The following CUL4B variants were observed in gnomAD, a reference collection of about 807,000 sequenced individuals.
CUL4B encodes cullin-4B.
In CUL4B, 1 loss-of-function variant was observed where a neutral mutation model predicts 69.2. The ratio of observed to expected loss-of-function variants is 0.01; its 90% CI spans 0.01 to 0.07. CUL4B has a LOEUF of 0.07. Ranked by LOEUF, CUL4B falls within the 10% of genes least tolerant of loss-of-function variation. CUL4B has a pLI of 1.00. For synonymous variants in CUL4B, 237 were observed against 223.2 expected, an observed-to-expected ratio of 1.06 and a Z score of -0.55; for missense variants, 328 against 638.8, an observed-to-expected ratio of 0.51 and a Z score of 5.24.
chrX:120,532,355 T>C (rs1489634549), intron 18 of CUL4B, 67 bp downstream of exon 18: 6 of 873,665 alleles, frequency 6.9e-6, no homozygotes, highest in East Asian at 3.3e-5. Flanking sequence ...TAAAAATCTT[T>C]ATATATTTTG....
intron 5 of CUL4B, 58 bp downstream of exon 5, chrX:120,545,386 T>C: frequency 2.5e-6 from 2 of 785,336 alleles, no homozygotes; most frequent in South Asian, 4.4e-5. Context: ...TTCATTAGTG[T>C]AATTAAGATT....
At chrX:120,557,827 A>G in intron 2 of CUL4B, 97 bp downstream of exon 2, 2 of 515,143 alleles carry the variant, frequency 3.9e-6, no homozygotes, top group Non-Finnish European at 6.5e-6. Context: ...GAAGGGAACC[A>G]AAAGTCTACT....
At chrX:120,565,412 A>G (rs1490583140), upstream of CUL4B, among the ~76,000 whole-genome samples, 1 of 109,257 alleles carries the variant, frequency 9.2e-6, no homozygotes, top group Non-Finnish European at 1.9e-5. Context: ...GGCTGGGCAC[A>G]GTGGTTCACA....
chrX:120,554,436 T>G (rs2147344582), intron 2 of CUL4B, among the ~76,000 whole-genome samples: 1 of 112,281 alleles, frequency 8.9e-6, no homozygotes, highest in African/African-American at 3.2e-5. Context: ...AATGAAAACA[T>G]TAATCACTGC....
In CUL4B at chrX:120,560,129, G is replaced by A. The variant is rs758768060; in HGVS notation, c.510C>T (p.Asn170=). The change falls in exon 1 of 20, where the codon AAC becomes AAT. Residue 170 remains asparagine, a synonymous_variant. Transcript: ENST00000371322. ...KSSTTVSSFA[N]SKPGSAKKLV... is the part of the protein sequence containing the mutation. ...ACTTCTTAGCAGAGCCAGGTTTGCT[G>A]TTAGCAAAGCTAGAGACGGTGGTAG... The A allele has an allele frequency of 1.7e-6, 2 of 1,210,216 alleles. No individual in the cohort carries two copies. The highest frequency in any genetic ancestry group is 1.7e-5 in the African/African-American group (1 of 57,308).
At chrX:120,546,664 T>C (rs1924352255) in intron 3 of CUL4B, 48 bp from the exon 4 acceptor site, 2 of 914,815 alleles carry the variant, frequency 2.2e-6, no homozygotes, top group African/African-American at 1.9e-5. Context: ...ACAAGTCATA[T>C]GTGCCATGTG....
chrX:120,539,603 T>A (rs1670840715), intron 11 of CUL4B, among the ~76,000 whole-genome samples: 1 of 111,705 alleles, frequency 9.0e-6, no homozygotes, highest in African/African-American at 3.3e-5. Context: ...CCAGATCAAA[T>A]GTACTTCCCA....
chrX:120,563,227 GT>G (rs764508431), upstream of CUL4B, among the ~76,000 whole-genome samples: 267 of 111,609 alleles, frequency 2.4e-3, 1 homozygote, highest in African/African-American at 8.5e-3. Context: ...ATACCACATA[GT>G]TTTTTTCATT....
chrX:120,575,016 A>G (rs1200175310), intron 1 of CUL4B, among the ~76,000 whole-genome samples: 2 of 111,347 alleles, frequency 1.8e-5, no homozygotes, highest in Non-Finnish European at 3.8e-5. Flanking sequence ...TCAAAGTACT[A>G]TCTCACTTAT....
rs1923490322 is a variant in CUL4B at position 120,533,994 on chromosome X, A to C, written c.2266+487T>G. On this transcript the variant is annotated intron_variant, in intron 17 of 19. Transcript: ENST00000371322. Reference sequence around the variant, plus strand: ...GGCAGGAGAATTGCTTGAACACAGGAGGCAGAGGTTGCAGTGAGCCGAGAT... The same window carrying C: ...GGCAGGAGAATTGCTTGAACACAGGCGGCAGAGGTTGCAGTGAGCCGAGAT... Among the ~76,000 whole-genome samples, 3 of 110,138 alleles carry C rather than the reference A, an allele frequency of 2.7e-5. No individual in the cohort carries two copies. The South Asian group carries it at 1.2e-3, about 43-fold the overall frequency.
At chrX:120,527,377 G>A (rs1404817314) in intron 19 of CUL4B, among the ~76,000 whole-genome samples, 2 of 110,709 alleles carry the variant, frequency 1.8e-5, no homozygotes, top group Non-Finnish European at 3.8e-5. Context: ...ATTCTTTAAC[G>A]CCAAAAGTGT....
At chrX:120,567,291 A>G (rs1925583502), downstream of CUL4B, among the ~76,000 whole-genome samples, 1 of 107,654 alleles carries the variant, frequency 9.3e-6, no homozygotes. Context: ...GCCCAGCTAA[A>G]TTTTTTGGTA....
chrX:120,560,841 G>T lies in CUL4B; in HGVS notation c.-203C>A. ...GGGAAGGCGGATAGGCTGACACCAG[G>T]AGTGAGCAGAACGAGGGGGGAGAGC... On this transcript the variant is annotated 5_prime_UTR_variant, in exon 1 of 20. Coordinates refer to ENST00000371322, the MANE Select transcript of CUL4B (RefSeq NM_001079872.2). The T allele has an allele frequency of 9.7e-7, 1 of 1,027,823 alleles. No individual in the cohort carries two copies. Among genetic ancestry groups the T allele is most frequent in the Non-Finnish European group, 1.2e-6 (1 of 806,025 alleles). 84.7% of individuals were successfully genotyped at this position (1,027,823 alleles called of 1,213,427 possible).
In CUL4B at chrX:120,560,725, A is replaced by G. The variant is rs1482042126; in HGVS notation, c.-87T>C. 8.7e-6 allele frequency: 9 copies of G among 1,037,794 alleles called. No homozygotes were observed. The African/African-American group carries it at 1.6e-4, about 19-fold the overall frequency. The allele number at this position is 1,037,794 out of a possible 1,213,427, so 85.5% of individuals were successfully genotyped here. ...GTGTAGGAGAGAAGGTAGCAATGCT[A>G]GAGGGGGAAGGGAAGAAAGAAGAGA... On this transcript the variant is annotated 5_prime_UTR_variant, in exon 1 of 20. Coordinates refer to ENST00000371322, the MANE Select transcript of CUL4B (RefSeq NM_001079872.2).
upstream of CUL4B, chrX:120,560,988 T>G: frequency 1.1e-6 from 1 of 947,692 alleles, no homozygotes; most frequent in East Asian, 5.2e-5. Flanking sequence ...CTCCTCCTTT[T>G]CTCCCTCTCC....
At chrX:120,530,854 A>G (rs1339278414) in intron 18 of CUL4B, among the ~76,000 whole-genome samples, 1 of 112,501 alleles carries the variant, frequency 8.9e-6, no homozygotes, top group African/African-American at 3.2e-5. Context: ...AAAAATGTTC[A>G]TCTTTAGTAA....
At chrX:120,549,689 C>A (rs1157729069) in intron 2 of CUL4B, among the ~76,000 whole-genome samples, 1 of 111,526 alleles carries the variant, frequency 9.0e-6, no homozygotes, top group Non-Finnish European at 1.9e-5. Flanking sequence ...AGGCTGAGAC[C>A]CTGCTGGCCT....
intron 2 of CUL4B, among the ~76,000 whole-genome samples, chrX:120,572,592 C>T (rs922555191): frequency 7.2e-5 from 8 of 111,234 alleles, no homozygotes; most frequent in Middle Eastern, 4.7e-3. Flanking sequence ...AAGGTAACCT[C>T]AGTTAAGTTT....
rs749508691 is a variant in CUL4B, at chrX:120,560,789, G to C, written c.-151C>G. ...GGACGAGAAGGAAAGTGAAGGGGGG[G>C]GCTACACCGGGGGAATGGGAGGGTT... On this transcript the variant is annotated 5_prime_UTR_variant, in exon 1 of 20. Transcript: ENST00000371322. 6.4e-5 allele frequency: 23 copies of C among 358,438 alleles called. No individual in the cohort carries two copies. The highest frequency in any genetic ancestry group is 8.4e-5 in the Non-Finnish European group (22 of 260,596). The allele number at this position is 358,438 out of a possible 1,213,427, so 29.5% of individuals were successfully genotyped here.
Sources: allele counts gnomAD v4.1 joint callset (sites outside exome capture counted in the v4.1 genomes callset), GRCh38; gene constraint gnomAD v4.1.1; transcripts MANE v1.5; gene names NCBI Gene and HGNC (gene_info 2026-07-23, HGNC 2026-07-21).